The following ADCY10 variants were observed in gnomAD, a reference collection of about 807,000 sequenced individuals.
ADCY10 encodes adenylate cyclase type 10.
A neutral mutation model predicts 183.3 loss-of-function variants in ADCY10; 156 were observed. That is an observed-to-expected ratio of 0.85 (90% CI 0.75 to 0.97). The LOEUF (loss-of-function observed/expected upper bound fraction) is 0.97. Among genes scored for constraint, ADCY10 ranks in the 50% least tolerant of loss-of-function variants. ADCY10 has a pLI of 0.00. For missense variants in ADCY10, 1,745 were observed against 1,934.3 expected (o/e 0.90, Z 1.84); for synonymous variants, 645 against 670.0 (o/e 0.96, Z 0.58).
intron 1 of ADCY10, among the ~76,000 whole-genome samples, chr1:167,910,832 T>C (rs1670103416): frequency 1.3e-5 from 2 of 152,216 alleles, no homozygotes; most frequent in African/African-American, 4.8e-5. Flanking sequence ...CAACTTTGAC[T>C]TCTTTAGCTA....
At chr1:167,905,472 C>T (rs1180718021) in intron 1 of ADCY10, among the ~76,000 whole-genome samples, 1 of 152,170 alleles carries the variant, frequency 6.6e-6, no homozygotes, top group African/African-American at 2.4e-5. Flanking sequence ...GGGGTAGGCC[C>T]TCGCAGGGCA....
At chr1:167,875,253 T>G in intron 12 of ADCY10, 67 bp from the exon 13 acceptor site, 1 of 1,492,824 alleles carries the variant, frequency 6.7e-7, no homozygotes, top group African/African-American at 1.4e-5. Context: ...CAAGAGTGAT[T>G]AGTTCTTAGT....
At position 167,901,953 on chromosome 1, in the gene ADCY10, C is replaced by T. The variant is rs1173354937; in HGVS notation, c.292+63G>A. On this transcript the variant is annotated intron_variant, in intron 4 of 32. Transcript: ENST00000367851. ...TCTAGGATGCCTCCTTTGTCCCCAA[C>T]ACAGAAGCACAGGCACCTCAGCACT... 4 of 1,608,896 alleles carry T rather than the reference C, an allele frequency of 2.5e-6. No individual in the cohort carries two copies. In the South Asian group the frequency reaches 4.4e-5, roughly 18 times the overall value.
intron 26 of ADCY10, among the ~76,000 whole-genome samples, chr1:167,827,719 ATT>A (rs907113114): frequency 3.7e-5 from 4 of 107,200 alleles, no homozygotes; most frequent in East Asian, 3.2e-4. Flanking sequence ...AAAAAAAAAA[ATT>A]TTTTTTTTTG....
chr1:167,862,260 A>G (rs1666341664), intron 14 of ADCY10, among the ~76,000 whole-genome samples: 1 of 152,184 alleles, frequency 6.6e-6, no homozygotes. Context: ...TTGAAAAGAG[A>G]GTCGTTGCAG....
rs771957404 is a variant in ADCY10, at chr1:167,859,910, G to A, written c.1810-17C>T. The A allele has an allele frequency of 2.5e-6, 4 of 1,573,974 alleles. No individual in the cohort carries two copies. The South Asian group carries it at 4.4e-5, about 17-fold the overall frequency. On this transcript the variant is annotated splice_polypyrimidine_tract_variant and intron_variant, in intron 15 of 32. Coordinates refer to ENST00000367851, the MANE Select transcript of ADCY10 (RefSeq NM_018417.6). The stretch of plus-strand genomic sequence containing the variant: ...AATAGGGAACTGTACAAAGAATTAT[G>A]AGAATATTGAGTATGGGAAAATAGC...
At chr1:167,830,382 C>CAA (rs201698835) in intron 25 of ADCY10, among the ~76,000 whole-genome samples, 4 of 95,432 alleles carry the variant, frequency 4.2e-5, no homozygotes, top group Non-Finnish European at 4.6e-5. Context: ...TTTTAGTTTA[C>CAA]AAAAAAAAAA....
intron 5 of ADCY10, among the ~76,000 whole-genome samples, chr1:167,900,988 C>T (rs1354676859): frequency 6.6e-6 from 1 of 152,148 alleles, no homozygotes; most frequent in African/African-American, 2.4e-5. Flanking sequence ...ACCAACAGCA[C>T]CAACCATAAC....
chr1:167,862,771 G>A (rs1394418671), intron 14 of ADCY10, among the ~76,000 whole-genome samples: 1 of 152,150 alleles, frequency 6.6e-6, no homozygotes, highest in Non-Finnish European at 1.5e-5. Flanking sequence ...CTTTAATGTG[G>A]GATAGAGATA....
In ADCY10 at chr1:167,880,031, A is replaced by G. The variant is rs1458044807; in HGVS notation, c.1216+84T>C. 9.2e-6 allele frequency: 11 copies of G among 1,201,158 alleles called. No homozygotes were observed. In the African/African-American group the frequency reaches 1.7e-4, roughly 18 times the overall value. 74.4% of individuals were successfully genotyped at this position (1,201,158 alleles called of 1,614,324 possible). On this transcript the variant is annotated intron_variant, in intron 11 of 32. Transcript: ENST00000367851. ...TGAGGGCAGGGCTCATGTCTCACTCATTTTTGTGCTTCCTCCCGCAAAGCC... is the reference window on the plus strand; with the variant it reads ...TGAGGGCAGGGCTCATGTCTCACTCGTTTTTGTGCTTCCTCCCGCAAAGCC...
Position 167,839,402 on chromosome 1 carries a change from T to A in ADCY10, c.3008-2084A>T, listed in dbSNP as rs544927325. Among the ~76,000 whole-genome samples, 10 of 152,362 alleles carry A rather than the reference T, an allele frequency of 6.6e-5. No individual in the cohort carries two copies. The South Asian group carries it at 2.1e-3, about 32-fold the overall frequency. On this transcript the variant is annotated intron_variant, in intron 21 of 32. Coordinates refer to ENST00000367851, the MANE Select transcript of ADCY10 (RefSeq NM_018417.6). ...GGCATTAAACATGCTGGCTGGAGCC[T>A]CAGCAGCTGTTTTGGACCAAGGACC...
At chr1:167,824,390 C>T in intron 28 of ADCY10, 86 bp downstream of exon 28, 1 of 1,127,880 alleles carries the variant, frequency 8.9e-7, no homozygotes, top group Non-Finnish European at 1.4e-6. Flanking sequence ...CCTTCCCCAC[C>T]CTAGGACTAG....
chr1:167,853,180 G>A lies in ADCY10; in HGVS notation c.2308+1173C>T, dbSNP rs557324246. Among the ~76,000 whole-genome samples the A allele has an allele frequency of 3.9e-5, 6 of 152,214 alleles. No individual in the cohort carries two copies. The East Asian group carries it at 9.6e-4, about 24-fold the overall frequency. ...AATACGTTTTGACCCTCTAGGTTTA[G>A]TAATATTAATACACGTCGTGCTTAT... On this transcript the variant is annotated intron_variant, in intron 18 of 32. Coordinates refer to ENST00000367851, the MANE Select transcript of ADCY10 (RefSeq NM_018417.6).
At chr1:167,870,591 G>A (rs539641399) in intron 13 of ADCY10, among the ~76,000 whole-genome samples, 181 bp from the exon 14 acceptor site, 3 of 146,142 alleles carry the variant, frequency 2.1e-5, no homozygotes, top group East Asian at 4.0e-4. Context: ...TCAGGAGTTC[G>A]TGACCAGCCT....
At position 167,809,675 on chromosome 1, in the gene ADCY10, A is replaced by T; in HGVS notation, c.*3T>A. 3.7e-6 allele frequency: 6 copies of T among 1,614,050 alleles called. No homozygotes were observed. Among genetic ancestry groups the T allele is most frequent in the South Asian group, 1.1e-5 (1 of 91,086 alleles). The stretch of plus-strand genomic sequence containing the variant: ...CTTATTAAAATCTTTTTTCTTTGAC[A>T]TGTTAGAAATGATTGTCCACGGTAT... On this transcript the variant is annotated 3_prime_UTR_variant, in exon 33 of 33. Coordinates refer to ENST00000367851, the MANE Select transcript of ADCY10 (RefSeq NM_018417.6).
At chr1:167,858,445 C>T (rs906442046) in intron 16 of ADCY10, among the ~76,000 whole-genome samples, 1 of 143,378 alleles carries the variant, frequency 7.0e-6, no homozygotes, top group African/African-American at 2.6e-5. Context: ...TCTCAGTGAG[C>T]CGAGACCGCA....
At chr1:167,875,357 C>G (rs1246745673) in intron 12 of ADCY10, among the ~76,000 whole-genome samples, 171 bp from the exon 13 acceptor site, 1 of 152,250 alleles carries the variant, frequency 6.6e-6, no homozygotes, top group African/African-American at 2.4e-5. Context: ...GAAGGTCTGA[C>G]TTGGTAGTGG....
intron 29 of ADCY10, 138 bp from the exon 30 acceptor site, chr1:167,822,279 T>C: frequency 2.7e-6 from 2 of 745,854 alleles, no homozygotes; most frequent in Non-Finnish European, 4.9e-6. Context: ...GTCCCGTGGA[T>C]TGCAACAACC....
intron 3 of ADCY10, 122 bp from the exon 4 acceptor site, chr1:167,902,176 T>C (rs1309843166): frequency 1.0e-6 from 1 of 992,692 alleles, no homozygotes; most frequent in African/African-American, 1.6e-5. Flanking sequence ...AATAGGCTTA[T>C]ACTAAAGATC....
Sources: gnomAD v4.1 joint callset for allele counts (sites outside exome capture counted in the v4.1 genomes callset) on GRCh38, gnomAD v4.1.1 for gene constraint, MANE v1.5 for transcripts, NCBI Gene and HGNC (gene_info 2026-07-23, HGNC 2026-07-21) for gene names.